The following ASIC2 variants were observed in gnomAD, a reference collection of about 807,000 sequenced individuals.
The protein encoded by ASIC2 is acid sensing ion channel subunit 2.
Under a neutral mutation model 57.3 loss-of-function variants are expected in ASIC2, and 25 were observed. That is an observed-to-expected ratio of 0.44 (90% confidence interval 0.32 to 0.61). The LOEUF is 0.61. Among genes scored for constraint, ASIC2 ranks in the 20% least tolerant of loss-of-function variants. ASIC2 has a pLI of 0.06. For missense variants in ASIC2, 641 were observed against 738.1 expected (o/e 0.87, Z 1.52); for synonymous variants, 319 against 307.5 (o/e 1.04, Z -0.39).
chr17:33,368,107 A>G (rs1908892391), intron 1 of ASIC2, among the ~76,000 whole-genome samples: 1 of 152,214 alleles, frequency 6.6e-6, no homozygotes, highest in African/African-American at 2.4e-5. Flanking sequence ...AGTTAAATCT[A>G]TGCTCTCTCT....
chr17:33,029,309 G>A (rs1271716133), intron 3 of ASIC2, among the ~76,000 whole-genome samples: 2 of 152,120 alleles, frequency 1.3e-5, no homozygotes, highest in Non-Finnish European at 1.5e-5. Context: ...GGGTAATCAC[G>A]GTTATGAATT....
chr17:33,389,879 C>T (rs1343923242), intron 1 of ASIC2, among the ~76,000 whole-genome samples: 1 of 152,182 alleles, frequency 6.6e-6, no homozygotes, highest in Non-Finnish European at 1.5e-5. Flanking sequence ...GGGTAAATAA[C>T]AATGATGAGT....
chr17:34,125,143 A>G (rs1473691352), intron 1 of ASIC2, among the ~76,000 whole-genome samples: 1 of 151,604 alleles, frequency 6.6e-6, no homozygotes, highest in Non-Finnish European at 1.5e-5. Flanking sequence ...CCGTGTCCCC[A>G]TTGAGACTTG....
At chr17:33,965,557 C>A (rs1905052093) in intron 1 of ASIC2, among the ~76,000 whole-genome samples, 1 of 152,134 alleles carries the variant, frequency 6.6e-6, no homozygotes, top group Admixed American at 6.5e-5. Context: ...ACAACAATGA[C>A]AACAATAAGC....
At chr17:33,133,912 G>T (rs8067620) in intron 1 of ASIC2, among the ~76,000 whole-genome samples, 10 of 152,312 alleles carry the variant, frequency 6.6e-5, no homozygotes, top group African/African-American at 2.2e-4. Context: ...GGATCAAATC[G>T]TCAACCCACA....
At chr17:34,050,379 A>C (rs1171235214) in intron 1 of ASIC2, among the ~76,000 whole-genome samples, 1 of 152,124 alleles carries the variant, frequency 6.6e-6, no homozygotes, top group African/African-American at 2.4e-5. Flanking sequence ...GAGGTGGCAA[A>C]AAGACCTGCT....
chr17:33,686,729 C>T (rs1324446387), intron 1 of ASIC2, among the ~76,000 whole-genome samples: 1 of 152,204 alleles, frequency 6.6e-6, no homozygotes, highest in Non-Finnish European at 1.5e-5. Context: ...CTGCCCTACT[C>T]TCCAGTGTGC....
At chr17:33,249,725 G>T (rs1908816907) in intron 1 of ASIC2, among the ~76,000 whole-genome samples, 1 of 152,170 alleles carries the variant, frequency 6.6e-6, no homozygotes, top group East Asian at 1.9e-4. Flanking sequence ...AGGCCTCTTG[G>T]AGCTCCCAGG....
At chr17:33,591,100 C>A (rs1195301960) in intron 1 of ASIC2, among the ~76,000 whole-genome samples, 1 of 152,186 alleles carries the variant, frequency 6.6e-6, no homozygotes, top group African/African-American at 2.4e-5. Flanking sequence ...GTTCTGGGCT[C>A]TGAGGGTGAC....
intron 1 of ASIC2, among the ~76,000 whole-genome samples, chr17:33,727,794 A>G (rs1015189529): frequency 6.6e-6 from 1 of 152,184 alleles, no homozygotes; most frequent in Admixed American, 6.5e-5. Context: ...TTTTATAGCA[A>G]TGTAAGAGTG....
intron 1 of ASIC2, among the ~76,000 whole-genome samples, chr17:33,152,952 C>A (rs906301873): frequency 5.9e-5 from 9 of 152,166 alleles, no homozygotes; most frequent in African/African-American, 2.2e-4. Flanking sequence ...TTCAGTCACC[C>A]CTGGGGTTTC....
intron 2 of ASIC2, among the ~76,000 whole-genome samples, chr17:33,097,597 C>T (rs2092187709): frequency 6.6e-6 from 1 of 152,202 alleles, no homozygotes; most frequent in Non-Finnish European, 1.5e-5. Flanking sequence ...ATCCAGGTCT[C>T]TAGATTCCTC....
chr17:33,270,736 A>G (rs1904451532), intron 1 of ASIC2, among the ~76,000 whole-genome samples: 1 of 152,188 alleles, frequency 6.6e-6, no homozygotes, highest in African/African-American at 2.4e-5. Flanking sequence ...GGATTGCCCA[A>G]ATGAAATCTT....
At chr17:33,724,229 G>A (rs912995042) in intron 1 of ASIC2, among the ~76,000 whole-genome samples, 4 of 152,170 alleles carry the variant, frequency 2.6e-5, no homozygotes, top group African/African-American at 4.8e-5. Flanking sequence ...CCCCAGCCAC[G>A]AGGAACTGTG....
At chr17:33,959,417 G>T (rs1904848700) in intron 1 of ASIC2, among the ~76,000 whole-genome samples, 1 of 152,208 alleles carries the variant, frequency 6.6e-6, no homozygotes, top group Non-Finnish European at 1.5e-5. Flanking sequence ...CATTGACTCA[G>T]ACAATCACAA....
intron 1 of ASIC2, among the ~76,000 whole-genome samples, chr17:34,061,165 C>A (rs905522710): frequency 6.6e-6 from 1 of 152,282 alleles, no homozygotes; most frequent in Admixed American, 6.5e-5. Context: ...AGAAACCCAA[C>A]AAACTAGAAG....
At chr17:33,642,207 A>AACC (rs1906589070) in intron 1 of ASIC2, among the ~76,000 whole-genome samples, 2 of 136,782 alleles carry the variant, frequency 1.5e-5, no homozygotes, top group Non-Finnish European at 3.2e-5. Context: ...GCAAAAGGAC[A>AACC]CCCCCCCCCC....
intron 1 of ASIC2, among the ~76,000 whole-genome samples, chr17:33,769,463 C>A (rs184765980): frequency 6.6e-6 from 1 of 152,036 alleles, no homozygotes; most frequent in Admixed American, 6.5e-5. Context: ...GCAAAGGGGC[C>A]GAGAAAATTC....
rs771624171 is a variant in ASIC2, at chr17:33,898,220, C to CTTTTTTTTTTTTTTTTTT, written c.555+257740_555+257757dup. On this transcript the variant is annotated intron_variant, in intron 1 of 9. Transcript: ENST00000359872. The stretch of plus-strand genomic sequence containing the variant: ...AAACTGCCCAGAGTTCATGTATAAT[C>CTTTTTTTTTTTTTTTTTT]TTTTTTTTTTTTTTTTTTTTTTTTT... Among the ~76,000 whole-genome samples, 15 of 66,182 alleles carry CTTTTTTTTTTTTTTTTTT rather than the reference C, an allele frequency of 2.3e-4. 3 individuals are homozygous for CTTTTTTTTTTTTTTTTTT. The highest frequency in any genetic ancestry group is 3.3e-4 in the Non-Finnish European group (12 of 36,090). 43.4% of individuals were successfully genotyped at this position (66,182 alleles called of 152,430 possible). A position where few individuals can be genotyped will look rare whatever the true frequency, so the allele number is the denominator to read the frequency against.
Sources: gnomAD v4.1 joint callset for allele counts (sites outside exome capture counted in the v4.1 genomes callset) on GRCh38, gnomAD v4.1.1 for gene constraint, MANE v1.5 for transcripts, NCBI Gene and HGNC (gene_info 2026-07-23, HGNC 2026-07-21) for gene names.